Variants in KHDRBS2 observed in about 807,000 individuals in gnomAD.
KHDRBS2 encodes KH domain-containing, RNA-binding, signal transduction-associated protein 2.
KHDRBS2 carries 26 observed loss-of-function variants against 44.3 expected under a neutral mutation model. That is an observed-to-expected ratio of 0.59 (90% CI 0.43 to 0.81). The LOEUF is 0.81. Among genes scored for constraint, KHDRBS2 ranks in the 40% least tolerant of loss-of-function variants. KHDRBS2 has a pLI of 0.00. For missense variants in KHDRBS2, 476 were observed against 433.1 expected (o/e 1.10, Z -0.88); for synonymous variants, 194 against 151.1 (o/e 1.28, Z -2.08).
At chr6:61,726,787 G>GA (rs1403373658) in intron 7 of KHDRBS2, among the ~76,000 whole-genome samples, 3 of 152,046 alleles carry the variant, frequency 2.0e-5, no homozygotes, top group Non-Finnish European at 2.9e-5. Flanking sequence ...GCAATAAATG[G>GA]AAAAACATTC....
intron 2 of KHDRBS2, among the ~76,000 whole-genome samples, chr6:62,128,130 G>A (rs1355941836): frequency 6.6e-6 from 1 of 152,042 alleles, no homozygotes; most frequent in East Asian, 1.9e-4. Flanking sequence ...TGTATCACAA[G>A]GCAGAGACTA....
At chr6:62,188,117 A>G (rs1823821667) in intron 1 of KHDRBS2, among the ~76,000 whole-genome samples, 1 of 152,016 alleles carries the variant, frequency 6.6e-6, no homozygotes, top group South Asian at 2.1e-4. Context: ...CCATGGGGAA[A>G]GCACCAATCC....
the KHDRBS2 span, among the ~76,000 whole-genome samples, chr6:61,651,053 G>A: frequency 6.6e-6 from 1 of 152,008 alleles, no homozygotes; most frequent in Non-Finnish European, 1.5e-5. Flanking sequence ...AAGTAAAGCT[G>A]TCTTAATGTG....
chr6:62,104,476 G>C (rs1023185297), intron 2 of KHDRBS2, among the ~76,000 whole-genome samples: 12 of 151,900 alleles, frequency 7.9e-5, no homozygotes, highest in Non-Finnish European at 2.9e-5. Context: ...GAATAAAATT[G>C]GGTATCAGTA....
intron 3 of KHDRBS2, among the ~76,000 whole-genome samples, chr6:61,982,957 G>C (rs1425369294): frequency 6.6e-6 from 1 of 151,920 alleles, no homozygotes; most frequent in Non-Finnish European, 1.5e-5. Flanking sequence ...TTTATAAACA[G>C]AAATGAAATA....
intron 4 of KHDRBS2, among the ~76,000 whole-genome samples, chr6:61,965,440 G>A (rs1769708677): frequency 6.6e-6 from 1 of 152,024 alleles, no homozygotes; most frequent in Non-Finnish European, 1.5e-5. Flanking sequence ...GGAGAAACGT[G>A]TAGTTTTCGG....
At chr6:61,981,450 TAA>T (rs34415421) in intron 3 of KHDRBS2, among the ~76,000 whole-genome samples, 19,832 of 149,164 alleles carry the variant, frequency 0.13, 1,788 homozygotes, top group Non-Finnish European at 0.17. Context: ...TCCTCTCACT[TAA>T]AAAAAAAAAA....
At position 61,805,609 on chromosome 6, in the gene KHDRBS2, C is replaced by T. The variant is rs114052927; in HGVS notation, c.811-72845G>A. 2.1e-3 allele frequency among the ~76,000 whole-genome samples: 325 copies of T among 152,274 alleles called. 3 individuals are homozygous for T. The highest frequency in any genetic ancestry group is 7.1e-3 in the African/African-American group (293 of 41,552). ...TGTAGAAAGAGACTTAATTGACTCA[C>T]AGTTCTGCATGATTGGGAGGCCTCA... On this transcript the variant is annotated intron_variant, in intron 6 of 8. Transcript: ENST00000281156.
At chr6:61,854,393 T>C (rs536816120) in intron 6 of KHDRBS2, among the ~76,000 whole-genome samples, 85 of 152,256 alleles carry the variant, frequency 5.6e-4, no homozygotes, top group African/African-American at 2.0e-3. Flanking sequence ...AATGTATATA[T>C]ACTCAGCTTA....
At chr6:62,163,206 C>A (rs546279106) in intron 2 of KHDRBS2, among the ~76,000 whole-genome samples, 1 of 152,018 alleles carries the variant, frequency 6.6e-6, no homozygotes, top group Non-Finnish European at 1.5e-5. Context: ...ATAGTCTTGT[C>A]CTGGAAGCCA....
chr6:61,958,229 C>T (rs1050625669), intron 4 of KHDRBS2, among the ~76,000 whole-genome samples: 3 of 152,056 alleles, frequency 2.0e-5, no homozygotes, highest in Non-Finnish European at 4.4e-5. Flanking sequence ...GACACAATTT[C>T]CATTTTCTTA....
intron 6 of KHDRBS2, among the ~76,000 whole-genome samples, chr6:61,754,820 T>C (rs1158332980): frequency 6.6e-6 from 1 of 152,152 alleles, no homozygotes; most frequent in Admixed American, 6.5e-5. Context: ...TCTTAAATTA[T>C]AACTTTGAAG....
At chr6:62,095,185 A>T (rs561538627) in intron 2 of KHDRBS2, among the ~76,000 whole-genome samples, 49 of 151,992 alleles carry the variant, frequency 3.2e-4, no homozygotes, top group African/African-American at 1.2e-3. Context: ...TAAAGAAAGC[A>T]ATCCCTTTCA....
chr6:61,630,961 C>T, the KHDRBS2 span, among the ~76,000 whole-genome samples: 3 of 152,092 alleles, frequency 2.0e-5, no homozygotes, highest in Non-Finnish European at 2.9e-5. Flanking sequence ...AAACAAATTG[C>T]TTTGTCTCAG....
At chr6:61,954,608 T>G (rs200577507) in intron 4 of KHDRBS2, among the ~76,000 whole-genome samples, 28,542 of 105,126 alleles carry the variant, frequency 0.27, 3,880 homozygotes, top group African/African-American at 0.33. Flanking sequence ...ACATACATAC[T>G]TATGTATACA....
chr6:62,281,474 G>C (rs1841788100), intron 1 of KHDRBS2, among the ~76,000 whole-genome samples: 1 of 152,070 alleles, frequency 6.6e-6, no homozygotes, highest in Middle Eastern at 3.4e-3. Flanking sequence ...ACAAAAATTA[G>C]CCGGGTGTGG....
intron 6 of KHDRBS2, among the ~76,000 whole-genome samples, chr6:61,836,568 T>C (rs1792713790): frequency 6.6e-6 from 1 of 152,070 alleles, no homozygotes; most frequent in African/African-American, 2.4e-5. Flanking sequence ...TGAAAAATCC[T>C]TTGACTGCCT....
chr6:62,163,558 C>T (rs573059143), intron 2 of KHDRBS2, among the ~76,000 whole-genome samples: 4 of 152,160 alleles, frequency 2.6e-5, no homozygotes, highest in Admixed American at 1.3e-4. Context: ...TTCTGCCTCA[C>T]TTAGCACCAG....
chr6:61,697,398 A>G, intron 7 of KHDRBS2, 145 bp from the exon 8 acceptor site: 1 of 627,428 alleles, frequency 1.6e-6, no homozygotes, highest in East Asian at 2.8e-5. Context: ...ATAAATCTTC[A>G]GTAAGAAAAA....
Sources: allele counts gnomAD v4.1 joint callset (sites outside exome capture counted in the v4.1 genomes callset), GRCh38; gene constraint gnomAD v4.1.1; transcripts MANE v1.5; gene names NCBI Gene and HGNC (gene_info 2026-07-23, HGNC 2026-07-21).